PGM5: variants seen among roughly 807,000 people sequenced by gnomAD.
The protein encoded by PGM5 is phosphoglucomutase 5, also known as phosphoglucomutase-like protein 5.
A neutral mutation model predicts 59.2 loss-of-function variants in PGM5; 23 were observed. The observed-to-expected ratio is 0.39, with a 90% CI of 0.28 to 0.55. The LOEUF is 0.55. Among genes scored for constraint, PGM5 ranks in the 20% least tolerant of loss-of-function variants. The pLI, the probability that PGM5 is intolerant of heterozygous loss-of-function variation, is 0.66. For missense variants in PGM5, 574 were observed against 748.3 expected (o/e 0.77, Z 2.72); for synonymous variants, 214 against 286.0 (o/e 0.75, Z 2.54).
Position 68,391,826 on chromosome 9 carries a change from G to A in PGM5, c.888+102G>A, listed in dbSNP as rs1196083949. 6 of 1,197,482 alleles carry A rather than the reference G, an allele frequency of 5.0e-6. No individual in the cohort carries two copies. In the East Asian group the frequency reaches 1.2e-4, roughly 24 times the overall value. The allele number at this position is 1,197,482 out of a possible 1,614,324, so 74.2% of individuals were successfully genotyped here. ...AACACATCTGGAGCTAACATGTATG[G>A]GACATGTGTGCCCTAACTGGCTCTG... On this transcript the variant is annotated intron_variant, in intron 5 of 10. Transcript: ENST00000396396.
chr9:68,361,443 T>A (rs1278808380), intron 1 of PGM5, among the ~76,000 whole-genome samples: 5 of 152,282 alleles, frequency 3.3e-5, no homozygotes, highest in Non-Finnish European at 7.3e-5. Context: ...AAGTTAGTTC[T>A]AAAGGCTTTT....
Position 68,439,694 on chromosome 9 carries a change from T to C in PGM5, c.1044-25399T>C, listed in dbSNP as rs7026648. On this transcript the variant is annotated intron_variant, in intron 6 of 10. Coordinates refer to ENST00000396396, the MANE Select transcript of PGM5 (RefSeq NM_021965.4). ...TGTATATATAATACACATGCACACA[T>C]ATATATATATATACACACACACATA... 7.1e-3 allele frequency among the ~76,000 whole-genome samples: 1,049 copies of C among 147,084 alleles called. 10 individuals are homozygous for C. Among genetic ancestry groups the C allele is most frequent in the African/African-American group, 0.024 (962 of 40,116 alleles).
chr9:68,528,963 T>C (rs1180445822), intron 10 of PGM5, among the ~76,000 whole-genome samples: 1 of 152,140 alleles, frequency 6.6e-6, no homozygotes, highest in African/African-American at 2.4e-5. Context: ...CCCAAGAACC[T>C]ATTCCTTAGG....
chr9:68,357,724 C>A lies in PGM5; in HGVS notation c.261+336C>A, dbSNP rs1483428108. 3 of 366,608 alleles carry A rather than the reference C, an allele frequency of 8.2e-6. No homozygotes were observed. The East Asian group carries it at 2.0e-4, about 25-fold the overall frequency. 22.7% of individuals were successfully genotyped at this position (366,608 alleles called of 1,614,324 possible). A position where few individuals can be genotyped will look rare whatever the true frequency, so the allele number is the denominator to read the frequency against. On this transcript the variant is annotated intron_variant, in intron 1 of 10. Coordinates refer to ENST00000396396, the MANE Select transcript of PGM5 (RefSeq NM_021965.4). ...TTTTTCTTTCGGACATTCTCTTACC[C>A]GGCCCTGTAGATTCCAAGGCAGCTC...
chr9:68,406,610 G>A (rs1221418898), intron 6 of PGM5: 2 of 138,700 alleles, frequency 1.4e-5, no homozygotes, highest in Admixed American at 7.5e-5. Flanking sequence ...TTTTGAAGGG[G>A]ATAAACATTC....
intron 1 of PGM5, 64 bp downstream of exon 1, chr9:68,357,452 C>A (rs1363878442): frequency 2.0e-6 from 3 of 1,526,070 alleles, no homozygotes; most frequent in Non-Finnish European, 1.8e-6. Context: ...TAGCCCTTGT[C>A]CCCCTGCTGC....
At chr9:68,422,907 AT>A (rs1401161247) in intron 6 of PGM5, among the ~76,000 whole-genome samples, 1 of 151,864 alleles carries the variant, frequency 6.6e-6, no homozygotes, top group Non-Finnish European at 1.5e-5. Flanking sequence ...CCCAAAGTCC[AT>A]TGTGTCATTC....
chr9:68,410,857 T>A (rs541790517), intron 6 of PGM5, among the ~76,000 whole-genome samples: 2 of 152,312 alleles, frequency 1.3e-5, no homozygotes, highest in East Asian at 3.9e-4. Flanking sequence ...CATCTCGTAT[T>A]AAAATGTCTA....
intron 1 of PGM5, among the ~76,000 whole-genome samples, chr9:68,369,118 G>A (rs1834736659): frequency 6.6e-6 from 1 of 152,196 alleles, no homozygotes; most frequent in Non-Finnish European, 1.5e-5. Flanking sequence ...TCAGTGACAT[G>A]GAAAGATTGA....
intron 6 of PGM5, among the ~76,000 whole-genome samples, chr9:68,430,612 A>G (rs1485074131): frequency 6.6e-6 from 1 of 152,262 alleles, no homozygotes; most frequent in Admixed American, 6.5e-5. Context: ...TTCCGGAATC[A>G]GGTTTCTCTG....
intron 7 of PGM5, among the ~76,000 whole-genome samples, chr9:68,474,021 T>C (rs563421823): frequency 9.9e-5 from 15 of 152,198 alleles, no homozygotes; most frequent in African/African-American, 3.6e-4. Flanking sequence ...AACATGAGAC[T>C]GCATACGGTG....
chr9:68,413,786 T>C (rs1390300663), intron 6 of PGM5, among the ~76,000 whole-genome samples: 5 of 152,212 alleles, frequency 3.3e-5, no homozygotes, highest in Admixed American at 2.6e-4. Context: ...GGAACTCATC[T>C]CTTAACAAAA....
chr9:68,360,494 G>A (rs1834555102), intron 1 of PGM5, among the ~76,000 whole-genome samples: 2 of 150,350 alleles, frequency 1.3e-5, no homozygotes, highest in South Asian at 4.2e-4. Flanking sequence ...TTAGGAAATG[G>A]GAGAAATATA....
intron 9 of PGM5, among the ~76,000 whole-genome samples, chr9:68,488,572 G>A (rs1401394665): frequency 1.3e-5 from 2 of 152,128 alleles, no homozygotes; most frequent in Non-Finnish European, 2.9e-5. Flanking sequence ...GATTTCCCAG[G>A]GACCTCCCTG....
intron 9 of PGM5, among the ~76,000 whole-genome samples, chr9:68,496,131 C>A (rs990250761): frequency 6.6e-6 from 1 of 152,132 alleles, no homozygotes; most frequent in Non-Finnish European, 1.5e-5. Flanking sequence ...AAAATAAATG[C>A]GATTATTGGT....
At chr9:68,419,267 C>G (rs1823088229) in intron 6 of PGM5, among the ~76,000 whole-genome samples, 1 of 151,788 alleles carries the variant, frequency 6.6e-6, no homozygotes, top group African/African-American at 2.4e-5. Context: ...TTTTTTCCAC[C>G]AAGTTTTAAA....
At chr9:68,439,728 T>C (rs1401509092) in intron 6 of PGM5, among the ~76,000 whole-genome samples, 1 of 150,710 alleles carries the variant, frequency 6.6e-6, no homozygotes, top group East Asian at 1.9e-4. Context: ...TATATATATA[T>C]AAATATTAGA....
intron 10 of PGM5, 84 bp downstream of exon 10, chr9:68,499,445 T>C: frequency 1.5e-6 from 2 of 1,359,430 alleles, no homozygotes; most frequent in Admixed American, 2.3e-5. Flanking sequence ...AGTGGGGCTA[T>C]TTTACCTCCT....
intron 6 of PGM5, among the ~76,000 whole-genome samples, chr9:68,420,437 G>A (rs265111): frequency 1 from 152,318 of 152,342 alleles, 76,147 homozygotes; most frequent in Non-Finnish European, 1. Flanking sequence ...GAGCTTATTC[G>A]CTCACAATGC....
Sources: allele counts gnomAD v4.1 joint callset (sites outside exome capture counted in the v4.1 genomes callset), GRCh38; gene constraint gnomAD v4.1.1; transcripts MANE v1.5; gene names NCBI Gene and HGNC (gene_info 2026-07-23, HGNC 2026-07-21).